The following PPA2 variants were observed in gnomAD, a reference collection of about 807,000 sequenced individuals.
PPA2 encodes the protein inorganic pyrophosphatase 2.
In PPA2, 48 loss-of-function variants were observed where a neutral mutation model predicts 49.5. The observed-to-expected ratio is 0.97, with a 90% CI of 0.77 to 1.23. The LOEUF (loss-of-function observed/expected upper bound fraction) is 1.23. PPA2 is among the 50% of genes most tolerant of loss of function. The pLI, the probability that PPA2 is intolerant of heterozygous loss-of-function variation, is 0.00. For missense variants in PPA2, 429 were observed against 410.1 expected (o/e 1.05, Z -0.40); for synonymous variants, 131 against 139.9 (o/e 0.94, Z 0.45).
intron 10 of PPA2, among the ~76,000 whole-genome samples, chr4:105,382,726 C>T (rs1459566060): frequency 5.3e-5 from 8 of 151,850 alleles, no homozygotes; most frequent in African/African-American, 1.7e-4. Flanking sequence ...AGGCTGGGTG[C>T]GATGGCTTAC....
chr4:105,456,841 T>G, intron 1 of PPA2, 96 bp from the exon 2 acceptor site: 2 of 953,292 alleles, frequency 2.1e-6, no homozygotes, highest in Non-Finnish European at 2.9e-6. Context: ...ACTTTTAAAC[T>G]TACGCATTTT....
chr4:105,453,016 A>T (rs1253653437), intron 3 of PPA2, among the ~76,000 whole-genome samples: 1 of 152,202 alleles, frequency 6.6e-6, no homozygotes, highest in Non-Finnish European at 1.5e-5. Flanking sequence ...GTTCTAAAAC[A>T]GCCTCTCAAA....
chr4:105,419,706 A>G (rs769135400), intron 7 of PPA2, among the ~76,000 whole-genome samples: 14 of 152,348 alleles, frequency 9.2e-5, no homozygotes, highest in South Asian at 6.2e-4. Flanking sequence ...AAGTCTGTAC[A>G]TATGTTAATT....
intron 2 of PPA2, among the ~76,000 whole-genome samples, chr4:105,455,438 A>C (rs1473685654): frequency 6.6e-6 from 1 of 152,190 alleles, no homozygotes; most frequent in Non-Finnish European, 1.5e-5. Flanking sequence ...ACACAAGAGA[A>C]GTGAGGAGTA....
intron 7 of PPA2, among the ~76,000 whole-genome samples, chr4:105,406,831 T>C (rs1308640652): frequency 6.6e-6 from 1 of 152,074 alleles, no homozygotes; most frequent in East Asian, 1.9e-4. Context: ...CAACTGTATA[T>C]GAGGTAACAA....
intron 2 of PPA2, 23 bp from the exon 3 acceptor site, chr4:105,453,665 A>C (rs1560638909): frequency 6.3e-7 from 1 of 1,585,300 alleles, no homozygotes; most frequent in Non-Finnish European, 8.6e-7. Flanking sequence ...AGATGGTGAA[A>C]GACTGCAATA....
intron 1 of PPA2, among the ~76,000 whole-genome samples, chr4:105,460,569 T>C (rs1723042917): frequency 6.6e-6 from 1 of 152,028 alleles, no homozygotes; most frequent in Non-Finnish European, 1.5e-5. Context: ...AAGGTAGAAT[T>C]CTGAAAAGAA....
intron 3 of PPA2, among the ~76,000 whole-genome samples, chr4:105,451,389 CATA>C (rs925928712): frequency 3.3e-5 from 5 of 152,138 alleles, no homozygotes; most frequent in East Asian, 1.9e-4. Context: ...GCTGCAAGCC[CATA>C]ATGAGATAAA....
intron 8 of PPA2, among the ~76,000 whole-genome samples, chr4:105,396,828 T>C (rs1033986236): frequency 6.6e-6 from 1 of 152,190 alleles, no homozygotes; most frequent in African/African-American, 2.4e-5. Context: ...AGATGACATA[T>C]GTAAAGTGCT....
At chr4:105,409,109 C>T (rs1057474807) in intron 7 of PPA2, among the ~76,000 whole-genome samples, 3 of 152,106 alleles carry the variant, frequency 2.0e-5, no homozygotes, top group South Asian at 2.1e-4. Flanking sequence ...TTGCCTCACC[C>T]GGGAAGCACA....
At chr4:105,391,595 G>A (rs1733924128) in intron 9 of PPA2, among the ~76,000 whole-genome samples, 1 of 151,952 alleles carries the variant, frequency 6.6e-6, no homozygotes, top group African/African-American at 2.4e-5. Context: ...TGATACAACA[G>A]CCCAACAGAA....
intron 1 of PPA2, among the ~76,000 whole-genome samples, chr4:105,469,005 G>A (rs1723419258): frequency 6.6e-6 from 1 of 152,086 alleles, no homozygotes; most frequent in African/African-American, 2.4e-5. Flanking sequence ...CTTCCACACT[G>A]CTTCATTAAT....
intron 7 of PPA2, among the ~76,000 whole-genome samples, chr4:105,422,412 A>G (rs966179539): frequency 6.6e-6 from 1 of 152,224 alleles, no homozygotes; most frequent in African/African-American, 2.4e-5. Flanking sequence ...AAAGGTGTCC[A>G]AAGTGCAAAG....
rs1163235045 is a variant in PPA2, at chr4:105,396,299, T to C, written c.819A>G (p.Gln273=). Residue 273 remains glutamine, a synonymous_variant, in exon 9 of 12, where the codon CAA becomes CAG. Transcript: ENST00000341695. ...TCTTCATAAGCAATGCTTTCCAACA[T>C]TGATGAGTGGATTTAATAACTTCAA... ...FALEVIKSTH[Q]CWKALLMKKC... is the part of the protein sequence containing the mutation. The C allele has an allele frequency of 2.5e-6, 4 of 1,599,070 alleles. No individual in the cohort carries two copies. Among genetic ancestry groups the C allele is most frequent in the Non-Finnish European group, 3.4e-6 (4 of 1,173,508 alleles).
chr4:105,440,542 T>G (rs1318797699), intron 5 of PPA2, among the ~76,000 whole-genome samples: 1 of 152,180 alleles, frequency 6.6e-6, no homozygotes, highest in African/African-American at 2.4e-5. Flanking sequence ...ATTACAAGCG[T>G]GAGCCACTGC....
intron 7 of PPA2, among the ~76,000 whole-genome samples, chr4:105,413,862 G>A (rs1227850779): frequency 1.3e-5 from 2 of 152,164 alleles, no homozygotes; most frequent in African/African-American, 4.8e-5. Flanking sequence ...CTAAAGTGAT[G>A]TATTAAAAAA....
rs566553321 is a variant in PPA2, at chr4:105,449,203, C to G, written c.321+147G>C. On this transcript the variant is annotated intron_variant, in intron 4 of 11. Coordinates refer to ENST00000341695, the MANE Select transcript of PPA2 (RefSeq NM_176869.3). ...CTGCACTCCAGCCTGGGCGACAGAGCGAGACTCCGTCTCAAAAAAAAAAAA... is the reference window on the plus strand; with the variant it reads ...CTGCACTCCAGCCTGGGCGACAGAGGGAGACTCCGTCTCAAAAAAAAAAAA... 3.9e-4 allele frequency: 122 copies of G among 315,820 alleles called. 5 individuals carry two copies. Among genetic ancestry groups the G allele is most frequent in the Non-Finnish European group, 4.6e-4 (92 of 199,988 alleles). 19.6% of individuals were successfully genotyped at this position (315,820 alleles called of 1,614,324 possible).
chr4:105,381,905 A>C (rs1478061479), intron 10 of PPA2, among the ~76,000 whole-genome samples: 5 of 152,030 alleles, frequency 3.3e-5, no homozygotes, highest in Non-Finnish European at 5.9e-5. Context: ...ATAAAAAGTC[A>C]GAAAAACGAA....
Position 105,438,002 on chromosome 4 carries a change from G to A in PPA2, c.476C>T (p.Thr159Met), listed in dbSNP as rs752062224. Reference sequence around the variant, plus strand: ...AGGATCATTATCTCCAAAGCAGTTCGTGCTCTTATCTTTTTCATGGGGATC... The same window carrying A: ...AGGATCATTATCTCCAAAGCAGTTCATGCTCTTATCTTTTTCATGGGGATC... ...WEDPHEKDKS[T>M]NCFGDNDPID... The change falls in exon 6 of 12, where the codon ACG (threonine) becomes ATG (methionine). Residue 159 changes from threonine to methionine, a missense_variant. Transcript: ENST00000341695. The A allele has an allele frequency of 6.2e-5, 100 of 1,607,118 alleles. 1 individual carries two copies. Among genetic ancestry groups the A allele is most frequent in the South Asian group, 2.4e-4 (21 of 89,212 alleles).
Sources: gnomAD v4.1 joint callset for allele counts (sites outside exome capture counted in the v4.1 genomes callset) on GRCh38, gnomAD v4.1.1 for gene constraint, MANE v1.5 for transcripts, NCBI Gene and HGNC (gene_info 2026-07-23, HGNC 2026-07-21) for gene names.